The following OTUD7A variants were observed in gnomAD, a reference collection of about 807,000 sequenced individuals.
OTUD7A encodes OTU domain-containing protein 7A.
A neutral mutation model predicts 65.7 loss-of-function variants in OTUD7A; 12 were observed. The observed-to-expected ratio is 0.18, with a 90% CI of 0.12 to 0.30. OTUD7A has a LOEUF of 0.30. Ranked by LOEUF, OTUD7A falls within the 10% of genes least tolerant of loss-of-function variation. OTUD7A has a pLI of 1.00. For synonymous variants in OTUD7A, 641 were observed against 586.3 expected, an observed-to-expected ratio of 1.09 and a Z score of -1.35; for missense variants, 1,148 against 1,304.8, an observed-to-expected ratio of 0.88 and a Z score of 1.85.
Position 31,475,924 on chromosome 15 carries a change from A to T in OTUD7A, c.*7370T>A, listed in dbSNP as rs1324379596. ...AAAAAGAGGAACATTCACTGACTTC[A>T]TTAGGCCAAACGCACGTTTAATGGA... On this transcript the variant is annotated 3_prime_UTR_variant, in exon 13 of 13. Transcript: ENST00000307050. 6.6e-6 allele frequency: 1 copy of T among 152,402 alleles called. No individual in the cohort carries two copies. The highest frequency in any genetic ancestry group is 1.5e-5 in the Non-Finnish European group (1 of 68,034). 9.4% of individuals were successfully genotyped at this position (152,402 alleles called of 1,614,324 possible). A position where few individuals can be genotyped will look rare whatever the true frequency, so the allele number is the denominator to read the frequency against.
At chr15:31,648,823 C>T (rs1427630663) in intron 3 of OTUD7A, among the ~76,000 whole-genome samples, 3 of 152,072 alleles carry the variant, frequency 2.0e-5, no homozygotes, top group Non-Finnish European at 4.4e-5. Context: ...TGTAATGGTG[C>T]GATCTCAGCT....
At chr15:31,802,523 G>A (rs565778405) in intron 1 of OTUD7A, among the ~76,000 whole-genome samples, 25 of 152,196 alleles carry the variant, frequency 1.6e-4, no homozygotes, top group African/African-American at 5.8e-4. Flanking sequence ...ATCCAATCAA[G>A]TTGACACTCA....
At position 31,808,136 on chromosome 15, in the gene OTUD7A, C is replaced by CACACACACACAAAAAAAA. The variant is rs772574742; in HGVS notation, c.-100+62370_-100+62371insTTTTTTTTGTGTGTGTGT. On this transcript the variant is annotated intron_variant, in intron 1 of 12. Transcript: ENST00000307050. The stretch of plus-strand genomic sequence containing the variant: ...ACACACACACACACACACACACACA[C>CACACACACACAAAAAAAA]AAACAAATCCTCACCAGGTTTTTCC... Among the ~76,000 whole-genome samples, 100 of 119,476 alleles carry CACACACACACAAAAAAAA rather than the reference C, an allele frequency of 8.4e-4. 2 individuals carry two copies. Among genetic ancestry groups the CACACACACACAAAAAAAA allele is most frequent in the East Asian group, 7.6e-3 (32 of 4,222 alleles). 78.4% of individuals were successfully genotyped at this position (119,476 alleles called of 152,430 possible). A position where few individuals can be genotyped will look rare whatever the true frequency, so the allele number is the denominator to read the frequency against.
chr15:31,632,028 G>C (rs1160126707), intron 3 of OTUD7A, among the ~76,000 whole-genome samples: 2 of 152,030 alleles, frequency 1.3e-5, no homozygotes, highest in Non-Finnish European at 2.9e-5. Flanking sequence ...TTTGCCATTG[G>C]TTTGAATTTC....
In OTUD7A at chr15:31,483,674, TCTG is replaced by T; in HGVS notation, c.2419_2421del (p.Gln807del). The T allele has an allele frequency of 8.6e-7, 1 of 1,167,560 alleles. No individual in the cohort carries two copies. Among genetic ancestry groups the T allele is most frequent in the Non-Finnish European group, 1.1e-6 (1 of 948,782 alleles). The allele number at this position is 1,167,560 out of a possible 1,614,324, so 72.3% of individuals were successfully genotyped here. ...TAGCTCTGCGACGACAGCGAGCGGT[TCTG>T]CTGCGGGTACGTGGCGCACGGCCGC... On this transcript the variant is annotated inframe_deletion, in exon 13 of 13. Coordinates refer to ENST00000307050, the MANE Select transcript of OTUD7A (RefSeq NM_001382637.1).
chr15:31,771,585 T>C (rs1895235676), intron 1 of OTUD7A, among the ~76,000 whole-genome samples: 1 of 152,120 alleles, frequency 6.6e-6, no homozygotes, highest in Non-Finnish European at 1.5e-5. Context: ...GCTACTATCA[T>C]CCCTTACTTG....
At position 31,483,681 on chromosome 15, in the gene OTUD7A, C is replaced by T. The variant is rs1469452837; in HGVS notation, c.2415G>A (p.Pro805=). 2 of 1,164,778 alleles carry T rather than the reference C, an allele frequency of 1.7e-6. No homozygotes were observed. Among genetic ancestry groups the T allele is most frequent in the Middle Eastern group, 3.5e-4 (1 of 2,832 alleles). The allele number at this position is 1,164,778 out of a possible 1,614,324, so 72.2% of individuals were successfully genotyped here. A position where few individuals can be genotyped will look rare whatever the true frequency, so the allele number is the denominator to read the frequency against. The change falls in exon 13 of 13, where the codon CCG becomes CCA. Residue 805 remains proline (P), a synonymous_variant. Coordinates refer to ENST00000307050, the MANE Select transcript of OTUD7A (RefSeq NM_001382637.1). ...VGALRPCATY[P]QQNRSLSSQS... ...GCGACGACAGCGAGCGGTTCTGCTG[C>T]GGGTACGTGGCGCACGGCCGCAGCG... is the stretch of plus-strand genomic sequence containing the variant.
At chr15:31,757,308 T>C (rs748638746) in intron 1 of OTUD7A, among the ~76,000 whole-genome samples, 1 of 151,424 alleles carries the variant, frequency 6.6e-6, no homozygotes, top group Non-Finnish European at 1.5e-5. Flanking sequence ...AAATGGCGCC[T>C]TCCTCATAGG....
At chr15:31,592,893 AAAAAAAAAAAAATATATATATATATAT>A (rs1889774627) in intron 3 of OTUD7A, among the ~76,000 whole-genome samples, 1 of 59,318 alleles carries the variant, frequency 1.7e-5, no homozygotes, top group Non-Finnish European at 2.8e-5. Context: ...AAAAAAAAAA[AAAAAAAAAAAAATATATATATATATAT>A]ATATATATAT....
intron 3 of OTUD7A, among the ~76,000 whole-genome samples, chr15:31,579,539 G>A (rs1178641243): frequency 2.0e-5 from 3 of 152,194 alleles, no homozygotes; most frequent in South Asian, 2.1e-4. Flanking sequence ...ACATCAGAGT[G>A]AGATTTCATC....
At chr15:31,673,578 T>C (rs1449394270) in intron 1 of OTUD7A, among the ~76,000 whole-genome samples, 3 of 151,780 alleles carry the variant, frequency 2.0e-5, no homozygotes, top group Non-Finnish European at 2.9e-5. Flanking sequence ...GTTTTTATTC[T>C]TCAGGCTCAC....
At position 31,615,593 on chromosome 15, in the gene OTUD7A, C is replaced by T. The variant is rs188937763; in HGVS notation, c.151+39503G>A. 2.0e-5 allele frequency among the ~76,000 whole-genome samples: 3 copies of T among 152,296 alleles called. No individual in the cohort carries two copies. In the East Asian group the frequency reaches 5.8e-4, roughly 29 times the overall value. On this transcript the variant is annotated intron_variant, in intron 3 of 12. Transcript: ENST00000307050. ...ATTTAAATCACATGAAAAATACGAT[C>T]CAATTAACATATACAGATCACTGCA...
At chr15:31,859,385 T>G (rs564860640) in intron 1 of OTUD7A, among the ~76,000 whole-genome samples, 1 of 152,362 alleles carries the variant, frequency 6.6e-6, no homozygotes, top group South Asian at 2.1e-4. Flanking sequence ...TATAATACAT[T>G]GTTATTAATT....
At chr15:31,641,842 A>G (rs551185751) in intron 3 of OTUD7A, among the ~76,000 whole-genome samples, 1 of 152,330 alleles carries the variant, frequency 6.6e-6, no homozygotes, top group Admixed American at 6.5e-5. Context: ...TACATATGTC[A>G]TCATGTCACC....
intron 1 of OTUD7A, among the ~76,000 whole-genome samples, chr15:31,755,679 G>A (rs546766217): frequency 6.1e-4 from 92 of 151,564 alleles, no homozygotes; most frequent in South Asian, 3.8e-3. Context: ...CAGAGATTGC[G>A]CCACTGCACT....
Position 31,736,828 on chromosome 15 carries a change from T to G in OTUD7A, c.-99-79751A>C, listed in dbSNP as rs532494900. ...ACTTTGGCTTAAGACCTTCTTTTTT[T>G]TGGGGGGGCGGGGGGACGGAGTCTC... is the stretch of plus-strand genomic sequence containing the variant. On this transcript the variant is annotated intron_variant, in intron 1 of 12. Coordinates refer to ENST00000307050, the MANE Select transcript of OTUD7A (RefSeq NM_001382637.1). 9.6e-4 allele frequency among the ~76,000 whole-genome samples: 142 copies of G among 147,856 alleles called. 1 individual carries two copies. The Middle Eastern group carries it at 0.042, about 44-fold the overall frequency.
chr15:31,577,818 G>C (rs978585762), intron 3 of OTUD7A, among the ~76,000 whole-genome samples: 4 of 101,300 alleles, frequency 3.9e-5, no homozygotes, highest in African/African-American at 1.6e-4. Context: ...TTTGATTCCA[G>C]TAAAAAAAAA....
At chr15:31,572,786 A>G (rs576711952) in intron 3 of OTUD7A, among the ~76,000 whole-genome samples, 1 of 152,184 alleles carries the variant, frequency 6.6e-6, no homozygotes, top group South Asian at 2.1e-4. Flanking sequence ...AAAAGAGAAA[A>G]CAGACTGCAG....
intron 1 of OTUD7A, chr15:31,766,929 T>C (rs1160644478): frequency 6.2e-7 from 1 of 1,610,806 alleles, no homozygotes; most frequent in African/African-American, 1.3e-5. Context: ...AATAGCACCT[T>C]GGTTTGCTGT....
Sources: gnomAD v4.1 joint callset for allele counts (sites outside exome capture counted in the v4.1 genomes callset) on GRCh38, gnomAD v4.1.1 for gene constraint, MANE v1.5 for transcripts, NCBI Gene and HGNC (gene_info 2026-07-23, HGNC 2026-07-21) for gene names.